The following CRMP1 variants were observed in gnomAD, a reference collection of about 807,000 sequenced individuals.
The protein encoded by CRMP1 is dihydropyrimidinase-related protein 1.
CRMP1 carries 19 observed loss-of-function variants against 68.3 expected under a neutral mutation model. The ratio of observed to expected loss-of-function variants is 0.28; its 90% CI spans 0.19 to 0.41. CRMP1 has a LOEUF of 0.41. Among genes scored for constraint, CRMP1 ranks in the 10% least tolerant of loss-of-function variants. The pLI is 1.00. For missense variants in CRMP1, 791 were observed against 967.4 expected (o/e 0.82, Z 2.42); for synonymous variants, 439 against 399.6 (o/e 1.10, Z -1.18).
rs1456113037 is a variant in CRMP1 at position 5,842,314 on chromosome 4, A to G, written c.1032+779T>C. Among the ~76,000 whole-genome samples the G allele has an allele frequency of 6.6e-6, 1 of 151,700 alleles. No homozygotes were observed. The highest frequency in any genetic ancestry group is 2.4e-5 in the African/African-American group (1 of 41,314). ...GCACAGGCCTGTGCCTAGTGCTCCT[A>G]GCTACTTGGGAGGCTGAGGCAGGAG... On this transcript the variant is annotated intron_variant, in intron 7 of 13. Transcript: ENST00000324989. This position sits in a 1 kb window ranked among gnomAD's most constrained non-coding sequence, Gnocchi z 4.5.
At position 5,838,256 on chromosome 4, in the gene CRMP1, C is replaced by T. The variant is rs1720860097; in HGVS notation, c.1310+1266G>A. On this transcript the variant is annotated intron_variant, in intron 9 of 13. Transcript: ENST00000324989. The surrounding 1 kb of genome is among the most constrained non-coding windows in gnomAD (Gnocchi z 4.9). ...GGGTCAGCATGAAGCTGGGACTGGA[C>T]CGAGGGAGCCAAGGGCAGAGGAGGC... 6.6e-6 allele frequency among the ~76,000 whole-genome samples: 1 copy of T among 151,942 alleles called. No homozygotes were observed. The highest frequency in any genetic ancestry group is 2.1e-4 in the South Asian group (1 of 4,812).
chr4:5,846,757 A>ATTTTTTT lies in CRMP1; in HGVS notation c.963+2628_963+2634dup, dbSNP rs71171490. Among the ~76,000 whole-genome samples the ATTTTTTT allele has an allele frequency of 1.0e-3, 56 of 53,742 alleles. 7 individuals carry two copies. The highest frequency in any genetic ancestry group is 5.2e-3 in the African/African-American group (48 of 9,182). 35.3% of individuals were successfully genotyped at this position (53,742 alleles called of 152,430 possible). On this transcript the variant is annotated intron_variant, in intron 6 of 13. Transcript: ENST00000324989. ...AGGCACCCGCCACCATGCCCGGCTA[A>ATTTTTTT]TTTTTTTTTTTTTTTTTTTTTTTTT...
Position 5,871,227 on chromosome 4 carries a change from C to T in CRMP1, c.382-4471G>A, listed in dbSNP as rs148033761. 2.0e-3 allele frequency among the ~76,000 whole-genome samples: 299 copies of T among 152,318 alleles called. 1 individual carries two copies. The highest frequency in any genetic ancestry group is 6.9e-3 in the African/African-American group (285 of 41,570). On this transcript the variant is annotated intron_variant, in intron 1 of 13. Coordinates refer to ENST00000324989, the MANE Select transcript of CRMP1 (RefSeq NM_001014809.3). ...AAGCCAAGCACTGATTCAACCTCTTCATGTTCTTTCTTAAAATTAGTAGTT... is the reference window on the plus strand; with the variant it reads ...AAGCCAAGCACTGATTCAACCTCTTTATGTTCTTTCTTAAAATTAGTAGTT...
At chr4:5,847,629 TAAG>T (rs1347831456) in intron 6 of CRMP1, among the ~76,000 whole-genome samples, 3 of 152,222 alleles carry the variant, frequency 2.0e-5, no homozygotes, top group South Asian at 2.1e-4. Context: ...AGGACTCAGA[TAAG>T]AAGAAGTGAA....
intron 1 of CRMP1, among the ~76,000 whole-genome samples, chr4:5,871,847 C>G (rs1246319432): frequency 6.6e-6 from 1 of 152,176 alleles, no homozygotes; most frequent in Non-Finnish European, 1.5e-5. Context: ...TGAAGGGATA[C>G]TTTCCCACAG....
intron 9 of CRMP1, among the ~76,000 whole-genome samples, chr4:5,837,262 T>C (rs934724490): frequency 3.3e-5 from 5 of 152,184 alleles, no homozygotes; most frequent in African/African-American, 1.2e-4. Flanking sequence ...TTTACCCTTT[T>C]GTCCCCTGGT....
At chr4:5,867,962 G>A (rs528450117) in intron 1 of CRMP1, among the ~76,000 whole-genome samples, 2 of 152,068 alleles carry the variant, frequency 1.3e-5, no homozygotes, top group African/African-American at 4.8e-5. Context: ...AAACATTCAT[G>A]TATTCAGATG....
Position 5,843,041 on chromosome 4 carries a change from T to C in CRMP1, c.1032+52A>G. On this transcript the variant is annotated intron_variant, in intron 7 of 13. Coordinates refer to ENST00000324989, the MANE Select transcript of CRMP1 (RefSeq NM_001014809.3). The surrounding 1 kb of genome is among the most constrained non-coding windows in gnomAD (Gnocchi z 4.1). The stretch of plus-strand genomic sequence containing the variant: ...TACTCCAGCTGGAACAGCATCAAGG[T>C]GAGTGCTCAGTGGTGAGTGTCAGAG... 1 of 1,556,262 alleles carries C rather than the reference T, an allele frequency of 6.4e-7. No individual in the cohort carries two copies. Among genetic ancestry groups the C allele is most frequent in the South Asian group, 1.1e-5 (1 of 89,590 alleles).
chr4:5,849,571 C>A, intron 5 of CRMP1, 99 bp from the exon 6 acceptor site: 2 of 740,806 alleles, frequency 2.7e-6, no homozygotes, highest in South Asian at 3.4e-5. Flanking sequence ...CCCATTCGGT[C>A]ATTCACCTGC....
chr4:5,861,031 A>G lies in CRMP1; in HGVS notation c.650T>C (p.Met217Thr). 1 of 1,613,862 alleles carries G rather than the reference A, an allele frequency of 6.2e-7. No homozygotes were observed. Among genetic ancestry groups the G allele is most frequent in the Non-Finnish European group, 8.5e-7 (1 of 1,179,910 alleles). The change falls in exon 3 of 14, where the codon ATG (methionine) becomes ACG (threonine). Residue 217 changes from methionine (M) to threonine (T), a missense_variant. Transcript: ENST00000324989. This position sits in a 1 kb window ranked among gnomAD's most constrained non-coding sequence, Gnocchi z 6.0. ...CAGGGGACAGTGTCACTCACTGATC[A>G]TCGTGGTCCCGCCCACCAGTGCCGC... The part of the protein sequence containing the change: ...TRAALVGGTT[M>T]IIDHVVPEPG...
rs933792149 is a variant in CRMP1 at position 5,849,535 on chromosome 4, C to T, written c.883-63G>A. 43 of 1,173,886 alleles carry T rather than the reference C, an allele frequency of 3.7e-5. No homozygotes were observed. The African/African-American group carries it at 5.1e-4, about 14-fold the overall frequency. 72.7% of individuals were successfully genotyped at this position (1,173,886 alleles called of 1,614,324 possible). The stretch of plus-strand genomic sequence containing the variant: ...AAAAAAAAAAAAATCACAGCGTGTG[C>T]ATTCATGAAGACCGTTCCGATCACA... On this transcript the variant is annotated intron_variant, in intron 5 of 13. Coordinates refer to ENST00000324989, the MANE Select transcript of CRMP1 (RefSeq NM_001014809.3).
chr4:5,837,581 T>C (rs559480807), intron 9 of CRMP1, among the ~76,000 whole-genome samples: 20 of 149,866 alleles, frequency 1.3e-4, no homozygotes, highest in South Asian at 6.3e-4. Context: ...TGAACCGAGA[T>C]TGCACCATTG....
intron 1 of CRMP1, among the ~76,000 whole-genome samples, chr4:5,884,406 CACAA>C (rs1402515447): frequency 2.0e-5 from 3 of 151,952 alleles, no homozygotes; most frequent in Admixed American, 6.6e-5. Context: ...CACACCCACA[CACAA>C]ACACATTTAC....
intron 6 of CRMP1, among the ~76,000 whole-genome samples, chr4:5,846,767 T>C (rs1286805356): frequency 2.0e-5 from 1 of 49,472 alleles, no homozygotes; most frequent in Non-Finnish European, 6.0e-5. Context: ...ATTTTTTTTT[T>C]TTTTTTTTTT....
At position 5,861,225 on chromosome 4, in the gene CRMP1, C is replaced by T. The variant is rs1450023388; in HGVS notation, c.471-15G>A. 1.9e-6 allele frequency: 3 copies of T among 1,609,814 alleles called. No individual in the cohort carries two copies. In the African/African-American group the frequency reaches 4.0e-5, roughly 22 times the overall value. On this transcript the variant is annotated splice_polypyrimidine_tract_variant and intron_variant, in intron 2 of 13. Transcript: ENST00000324989. The surrounding 1 kb of genome is among the most constrained non-coding windows in gnomAD (Gnocchi z 6.0). The stretch of plus-strand genomic sequence containing the variant: ...CTCCTATTTGTCTGGAGGCAAACAA[C>T]AGAGACAGCCTTGGTTCTTAAAGGA...
In CRMP1 at chr4:5,889,707, T is replaced by G; in HGVS notation, c.381+2882A>C. ...ATGAAACTACTCATCTTTTCTGCTT[T>G]CAAGTTGCCATCCAGAGCGAGGGTG... is the stretch of plus-strand genomic sequence containing the variant. On this transcript the variant is annotated intron_variant, in intron 1 of 13. Coordinates refer to ENST00000324989, the MANE Select transcript of CRMP1 (RefSeq NM_001014809.3). This position sits in a 1 kb window ranked among gnomAD's most constrained non-coding sequence, Gnocchi z 4.5. The G allele has an allele frequency of 6.5e-7, 1 of 1,536,048 alleles. No homozygotes were observed. Among genetic ancestry groups the G allele is most frequent in the South Asian group, 1.2e-5 (1 of 84,066 alleles).
chr4:5,866,370 C>T lies in CRMP1; in HGVS notation c.470+298G>A, dbSNP rs1433681901. 6.6e-6 allele frequency among the ~76,000 whole-genome samples: 1 copy of T among 152,228 alleles called. No individual in the cohort carries two copies. Among genetic ancestry groups the T allele is most frequent in the Non-Finnish European group, 1.5e-5 (1 of 68,036 alleles). On this transcript the variant is annotated intron_variant, in intron 2 of 13. Transcript: ENST00000324989. The surrounding 1 kb of genome is among the most constrained non-coding windows in gnomAD (Gnocchi z 5.9). ...GGTACCCAGACTCATTGGCCTGCCGCCTCCAAAACCACAAAACAGGAAACG... is the reference window on the plus strand; with the variant it reads ...GGTACCCAGACTCATTGGCCTGCCGTCTCCAAAACCACAAAACAGGAAACG...
chr4:5,825,541 T>C lies in CRMP1; in HGVS notation c.1922A>G (p.Gln641Arg). Residue 641 changes from glutamine (Q) to arginine (R), a missense_variant, in exon 13 of 14, where the codon CAG (glutamine) becomes CGG (arginine). By Grantham distance (43) the Gln-to-Arg change is conservative. Coordinates refer to ENST00000324989, the MANE Select transcript of CRMP1 (RefSeq NM_001014809.3). The surrounding 1 kb of genome is among the most constrained non-coding windows in gnomAD (Gnocchi z 4.4). ...PSAKSSPSKHQPPPIRNLHQS... is the reference protein window; with the variant it reads ...PSAKSSPSKHRPPPIRNLHQS... ...GTGGAGGTTTCTGATGGGTGGGGGC[T>C]GGTGTTTAGAAGGCGAAGATTTGGC... 6.3e-7 allele frequency: 1 copy of C among 1,593,214 alleles called. No individual in the cohort carries two copies. The highest frequency in any genetic ancestry group is 1.8e-5 in the Admixed American group (1 of 54,892).
At chr4:5,884,038 T>A (rs927395125) in intron 1 of CRMP1, among the ~76,000 whole-genome samples, 1 of 152,244 alleles carries the variant, frequency 6.6e-6, no homozygotes, top group African/African-American at 2.4e-5. Flanking sequence ...CTGCCCTAGA[T>A]GACAGATGCT....
Sources: allele counts gnomAD v4.1 joint callset (sites outside exome capture counted in the v4.1 genomes callset), GRCh38; gene constraint gnomAD v4.1.1; non-coding constraint Gnocchi (gnomAD v3.1); transcripts MANE v1.5; gene names NCBI Gene and HGNC (gene_info 2026-07-23, HGNC 2026-07-21).